Variants in PACS1 observed in about 807,000 individuals in gnomAD.
PACS1 encodes phosphofurin acidic cluster sorting protein 1.
Under a neutral mutation model 115.0 loss-of-function variants are expected in PACS1, and 24 were observed. The observed-to-expected ratio is 0.21, with a 90% CI of 0.15 to 0.29. PACS1 has a LOEUF of 0.29. Among genes scored for constraint, PACS1 ranks in the 10% least tolerant of loss-of-function variants. The pLI, the probability that PACS1 is intolerant of heterozygous loss-of-function variation, is 1.00. For missense variants in PACS1, 838 were observed against 1,251.2 expected, an observed-to-expected ratio of 0.67 and a Z score of 4.98; for synonymous variants, 453 against 504.5, an observed-to-expected ratio of 0.90 and a Z score of 1.37.
chr11:66,189,823 A>G (rs536323006), intron 1 of PACS1, among the ~76,000 whole-genome samples: 49 of 152,342 alleles, frequency 3.2e-4, no homozygotes, highest in African/African-American at 1.1e-3. Context: ...CAGTCTGCAA[A>G]AGTTGATCAT....
At chr11:66,086,928 G>A (rs191018389) in intron 1 of PACS1, among the ~76,000 whole-genome samples, 126 of 151,928 alleles carry the variant, frequency 8.3e-4, no homozygotes, top group Non-Finnish European at 1.1e-3. Context: ...TTTTGAGCAC[G>A]TTTTCAGGGC....
At chr11:66,100,193 T>G (rs1232617677) in intron 1 of PACS1, among the ~76,000 whole-genome samples, 1 of 152,198 alleles carries the variant, frequency 6.6e-6, no homozygotes, top group Non-Finnish European at 1.5e-5. Flanking sequence ...TCTTTATATA[T>G]CTTAAAAACC....
chr11:66,134,223 G>A (rs116361080), intron 1 of PACS1, among the ~76,000 whole-genome samples: 5 of 146,250 alleles, frequency 3.4e-5, no homozygotes, highest in African/African-American at 5.0e-5. Flanking sequence ...ACAGGGACTC[G>A]GTGATTAAAT....
In PACS1 at chr11:66,230,903, AC is replaced by A; in HGVS notation, c.1590del (p.Asp530GlufsTer40). ...CTAAGTGAGAGGACCAACAGTTCCGACAGCGAGCGCTCCCCAGATCTGGGCC... is the reference window on the plus strand; with the variant it reads ...CTAAGTGAGAGGACCAACAGTTCCGAAGCGAGCGCTCCCCAGATCTGGGCC... ...KPLSERTNSS[D>X]SERSPDLGHS... On this transcript the variant is annotated frameshift_variant, in exon 13 of 24. Coordinates refer to ENST00000320580, the MANE Select transcript of PACS1 (RefSeq NM_018026.4). LOFTEE classifies it high-confidence loss of function. 1 of 1,614,166 alleles carries A rather than the reference AC, an allele frequency of 6.2e-7. No homozygotes were observed. The highest frequency in any genetic ancestry group is 8.5e-7 in the Non-Finnish European group (1 of 1,180,012).
rs368705887 is a variant in PACS1 at position 66,121,219 on chromosome 11, G to A, written c.356+50377G>A. ...TTGATGCTGCTGTCGTGATTGTTTTGGGGTGCCATGAACCGCATCCGTGCG... is the reference window on the plus strand; with the variant it reads ...TTGATGCTGCTGTCGTGATTGTTTTAGGGTGCCATGAACCGCATCCGTGCG... On this transcript the variant is annotated intron_variant, in intron 1 of 23. Coordinates refer to ENST00000320580, the MANE Select transcript of PACS1 (RefSeq NM_018026.4). Among the ~76,000 whole-genome samples, 498 of 152,166 alleles carry A rather than the reference G, an allele frequency of 3.3e-3. 3 individuals are homozygous for A. Among genetic ancestry groups the A allele is most frequent in the African/African-American group, 0.011 (457 of 41,486 alleles).
Position 66,158,231 on chromosome 11 carries a change from A to G in PACS1, c.357-35255A>G, listed in dbSNP as rs1859404553. On this transcript the variant is annotated intron_variant, in intron 1 of 23. Coordinates refer to ENST00000320580, the MANE Select transcript of PACS1 (RefSeq NM_018026.4). ...TGATCCACTGGCTTTGGCTTCCCAA[A>G]GTGCTGGGACTACACGTGTGAGCCA... 4.6e-5 allele frequency among the ~76,000 whole-genome samples: 7 copies of G among 152,324 alleles called. No individual in the cohort carries two copies. The South Asian group carries it at 1.4e-3, about 32-fold the overall frequency.
intron 1 of PACS1, among the ~76,000 whole-genome samples, chr11:66,174,925 T>C (rs1259286389): frequency 2.6e-5 from 4 of 152,050 alleles, no homozygotes; most frequent in Non-Finnish European, 4.4e-5. Flanking sequence ...CCTAGGCGGG[T>C]GGATCACCTG....
intron 1 of PACS1, among the ~76,000 whole-genome samples, chr11:66,099,588 T>A (rs1280040303): frequency 6.9e-6 from 1 of 145,814 alleles, no homozygotes; most frequent in Non-Finnish European, 1.5e-5. Context: ...CTCTGTCTCC[T>A]AGGCTGGAGT....
rs115759109 is a variant in PACS1 at position 66,087,403 on chromosome 11, C to T, written c.356+16561C>T. 3.8e-3 allele frequency among the ~76,000 whole-genome samples: 585 copies of T among 152,168 alleles called. 3 individuals carry two copies. Among genetic ancestry groups the T allele is most frequent in the African/African-American group, 0.013 (558 of 41,512 alleles). ...ATTACAGGCATGCGCTACCATGCCC[C>T]GCTAATTTTTTGTACTTTTAGTAGA... On this transcript the variant is annotated intron_variant, in intron 1 of 23. Coordinates refer to ENST00000320580, the MANE Select transcript of PACS1 (RefSeq NM_018026.4).
At chr11:66,111,998 G>A (rs1858199272) in intron 1 of PACS1, among the ~76,000 whole-genome samples, 1 of 152,134 alleles carries the variant, frequency 6.6e-6, no homozygotes, top group South Asian at 2.1e-4. Flanking sequence ...AGGAGCTATT[G>A]ATTCTGAACC....
At chr11:66,242,784 C>G in intron 22 of PACS1, 128 bp from the exon 23 acceptor site, 1 of 1,264,596 alleles carries the variant, frequency 7.9e-7, no homozygotes. Flanking sequence ...AGCCCAGTGC[C>G]AGGGAGGAGG....
intron 1 of PACS1, among the ~76,000 whole-genome samples, chr11:66,162,572 T>G (rs750346309): frequency 1.7e-4 from 26 of 152,230 alleles, no homozygotes; most frequent in Non-Finnish European, 3.5e-4. Flanking sequence ...CCAGGCGGGA[T>G]GCTCCCTTAG....
intron 1 of PACS1, among the ~76,000 whole-genome samples, chr11:66,085,637 T>C (rs1199815086): frequency 6.6e-6 from 1 of 152,208 alleles, no homozygotes; most frequent in African/African-American, 2.4e-5. Context: ...GGAATTAGAA[T>C]TCTCTTTACA....
At chr11:66,172,533 C>G (rs1371029168) in intron 1 of PACS1, among the ~76,000 whole-genome samples, 1 of 152,186 alleles carries the variant, frequency 6.6e-6, no homozygotes, top group Non-Finnish European at 1.5e-5. Context: ...ACTTGCCAGC[C>G]TTGCAAGGCA....
intron 2 of PACS1, among the ~76,000 whole-genome samples, chr11:66,196,339 A>G (rs1332051532): frequency 6.6e-6 from 1 of 152,242 alleles, no homozygotes; most frequent in Non-Finnish European, 1.5e-5. Context: ...TTGTGTGATG[A>G]GATGGGACGT....
At chr11:66,075,980 A>T (rs1047144367) in intron 1 of PACS1, among the ~76,000 whole-genome samples, 1 of 152,030 alleles carries the variant, frequency 6.6e-6, no homozygotes, top group African/African-American at 2.4e-5. Flanking sequence ...CTCGTGATCC[A>T]CCTGCCTTGG....
intron 1 of PACS1, among the ~76,000 whole-genome samples, chr11:66,120,373 A>G (rs1319893912): frequency 1.3e-5 from 2 of 152,208 alleles, no homozygotes; most frequent in Non-Finnish European, 2.9e-5. Flanking sequence ...CTAGGGTTAC[A>G]GGCGTGAGCC....
intron 1 of PACS1, among the ~76,000 whole-genome samples, chr11:66,166,450 T>TAGACATTCAACTTTTATTTTCTTA (rs1565131120): frequency 6.6e-6 from 1 of 151,240 alleles, no homozygotes; most frequent in African/African-American, 2.5e-5. Context: ...CACAGCCTGA[T>TAGACATTCAACTTTTATTTTCTTA]GTCACATCTT....
At chr11:66,199,419 T>A (rs1001493553) in intron 2 of PACS1, among the ~76,000 whole-genome samples, 1 of 152,076 alleles carries the variant, frequency 6.6e-6, no homozygotes, top group Admixed American at 6.6e-5. Context: ...AGAGTTAACT[T>A]ACCATTCAGT....
Sources: allele counts gnomAD v4.1 joint callset (sites outside exome capture counted in the v4.1 genomes callset), GRCh38; gene constraint gnomAD v4.1.1; transcripts MANE v1.5; gene names NCBI Gene and HGNC (gene_info 2026-07-23, HGNC 2026-07-21).